The following MAP4K3 variants were observed in gnomAD, a reference collection of about 807,000 sequenced individuals.
MAP4K3 encodes MAPK/ERK kinase kinase kinase 3.
MAP4K3 carries 94 observed loss-of-function variants against 143.5 expected under a neutral mutation model. The ratio of observed to expected loss-of-function variants is 0.65; its 90% CI spans 0.55 to 0.78. The LOEUF is 0.78. Ranked by LOEUF, MAP4K3 falls within the 30% of genes least tolerant of loss-of-function variation. The pLI is 0.00. For synonymous variants in MAP4K3, 416 were observed against 347.2 expected, an observed-to-expected ratio of 1.20 and a Z score of -2.20; for missense variants, 1,077 against 1,068.1, an observed-to-expected ratio of 1.01 and a Z score of -0.12.
At chr2:39,373,835 G>A (rs1666147295) in intron 2 of MAP4K3, among the ~76,000 whole-genome samples, 1 of 152,136 alleles carries the variant, frequency 6.6e-6, no homozygotes, top group South Asian at 2.1e-4. Flanking sequence ...TTTGGAGATG[G>A]TTAATTGGTA....
At position 39,331,994 on chromosome 2, in the gene MAP4K3, T is replaced by TA. The variant is rs755078375; in HGVS notation, c.458-6dup. ...GTGCAGATACTCCAAAATCAGCTAT[T>TA]AAAAAAAATGAGAAACATTTAGGAA... On this transcript the variant is annotated splice_region_variant and splice_polypyrimidine_tract_variant and intron_variant, in intron 7 of 33. Transcript: ENST00000263881. 7.8e-5 allele frequency: 117 copies of TA among 1,498,498 alleles called. No homozygotes were observed. The highest frequency in any genetic ancestry group is 2.2e-4 in the South Asian group (16 of 71,790). 92.8% of individuals were successfully genotyped at this position (1,498,498 alleles called of 1,614,324 possible).
intron 18 of MAP4K3, among the ~76,000 whole-genome samples, chr2:39,290,744 C>T (rs888435841): frequency 3.9e-5 from 6 of 152,132 alleles, no homozygotes; most frequent in Admixed American, 3.3e-4. Flanking sequence ...GTAAGTATTA[C>T]TACTCTCTTA....
chr2:39,298,988 T>A (rs866056499), intron 16 of MAP4K3, among the ~76,000 whole-genome samples: 3 of 151,260 alleles, frequency 2.0e-5, no homozygotes, highest in Non-Finnish European at 2.9e-5. Context: ...AAAAAGGAAT[T>A]TTAACTTGTT....
At chr2:39,286,543 T>A (rs1681785890) in intron 21 of MAP4K3, among the ~76,000 whole-genome samples, 1 of 152,232 alleles carries the variant, frequency 6.6e-6, no homozygotes, top group South Asian at 2.1e-4. Flanking sequence ...TAATAATAGT[T>A]ATTTTGTGAA....
At chr2:39,399,686 G>A (rs1201310880) in intron 1 of MAP4K3, among the ~76,000 whole-genome samples, 1 of 152,184 alleles carries the variant, frequency 6.6e-6, no homozygotes, top group Non-Finnish European at 1.5e-5. Flanking sequence ...GACAAGCCTG[G>A]CAATGACTTT....
At chr2:39,347,905 G>C (rs1245505607) in intron 3 of MAP4K3, among the ~76,000 whole-genome samples, 2 of 151,790 alleles carry the variant, frequency 1.3e-5, no homozygotes, top group Non-Finnish European at 2.9e-5. Flanking sequence ...AACTTTAATA[G>C]TCTGTATTTT....
In MAP4K3 at chr2:39,250,208, T is replaced by C. The variant is rs1393562616; in HGVS notation, c.*410A>G. 1.3e-5 allele frequency: 2 copies of C among 154,446 alleles called. No homozygotes were observed. The highest frequency in any genetic ancestry group is 2.1e-4 in the South Asian group (1 of 4,860). The allele number at this position is 154,446 out of a possible 1,614,324, so 9.6% of individuals were successfully genotyped here. ...ATTGCCAGCATCCCATTTTGTAATATAGCCACACCCAAGAATATACTAAAG... is the reference window on the plus strand; with the variant it reads ...ATTGCCAGCATCCCATTTTGTAATACAGCCACACCCAAGAATATACTAAAG... On this transcript the variant is annotated 3_prime_UTR_variant, in exon 34 of 34. Coordinates refer to ENST00000263881, the MANE Select transcript of MAP4K3 (RefSeq NM_003618.4).
chr2:39,340,265 G>A (rs1665102452), intron 4 of MAP4K3, among the ~76,000 whole-genome samples: 1 of 152,178 alleles, frequency 6.6e-6, no homozygotes, highest in Non-Finnish European at 1.5e-5. Flanking sequence ...ACATGACCGT[G>A]CAAGTATACA....
At chr2:39,357,068 T>C (rs1250248952) in intron 2 of MAP4K3, among the ~76,000 whole-genome samples, 1 of 152,222 alleles carries the variant, frequency 6.6e-6, no homozygotes, top group African/African-American at 2.4e-5. Context: ...AGAATGGGAC[T>C]GTATTTTAGC....
Position 39,308,005 on chromosome 2 carries a change from G to T in MAP4K3, c.1057C>A (p.Pro353Thr). The T allele has an allele frequency of 6.2e-7, 1 of 1,600,246 alleles. No homozygotes were observed. The highest frequency in any genetic ancestry group is 8.5e-7 in the Non-Finnish European group (1 of 1,173,570). The part of the protein sequence containing the change: ...RKETEPHHEL[P>T]DSDGFLDSSE... ...CTGTCCAAAAAACCATCACTGTCGG[G>T]CTGTTTAGCAGAGACCAAGAAACCC... Residue 353 changes from proline (P) to threonine (T), a missense_variant and splice_region_variant, in exon 15 of 34, where the codon CCC (proline) becomes ACC (threonine). Pro to Thr is a conservative substitution (Grantham distance 38, BLOSUM62 -1). Coordinates refer to ENST00000263881, the MANE Select transcript of MAP4K3 (RefSeq NM_003618.4).
At chr2:39,384,244 C>T (rs1463970965) in intron 1 of MAP4K3, among the ~76,000 whole-genome samples, 3 of 152,106 alleles carry the variant, frequency 2.0e-5, no homozygotes, top group East Asian at 1.9e-4. Flanking sequence ...ACAGCACTGT[C>T]GGCCGGGCAT....
chr2:39,326,937 C>G (rs761313664), intron 8 of MAP4K3, among the ~76,000 whole-genome samples: 4 of 152,142 alleles, frequency 2.6e-5, no homozygotes, highest in Non-Finnish European at 5.9e-5. Context: ...CAATACAATA[C>G]TGTGAGTCAA....
chr2:39,285,349 T>C (rs996058816), intron 21 of MAP4K3, among the ~76,000 whole-genome samples: 3 of 152,120 alleles, frequency 2.0e-5, no homozygotes, highest in African/African-American at 7.2e-5. Context: ...AATGCATACA[T>C]AAAAAATGTT....
rs371969007 is a variant in MAP4K3, at chr2:39,299,586, A to G, written c.1178+157T>C. On this transcript the variant is annotated intron_variant, in intron 16 of 33. Coordinates refer to ENST00000263881, the MANE Select transcript of MAP4K3 (RefSeq NM_003618.4). ...TCCCATTAGGACAACTATTAACTAA[A>G]TAATGAGCAAGGAAGCAATGGAAAA... Among the ~76,000 whole-genome samples the G allele has an allele frequency of 1.5e-4, 23 of 152,318 alleles. No homozygotes were observed. In the East Asian group the frequency reaches 3.1e-3, roughly 20 times the overall value.
chr2:39,289,035 G>C lies in MAP4K3; in HGVS notation c.1315-755C>G, dbSNP rs150805111. Among the ~76,000 whole-genome samples the C allele has an allele frequency of 3.7e-3, 567 of 152,292 alleles. 4 individuals carry two copies. The highest frequency in any genetic ancestry group is 0.013 in the African/African-American group (536 of 41,556). On this transcript the variant is annotated intron_variant, in intron 19 of 33. Transcript: ENST00000263881. ...CCACTGCAGTCCAGCCTGGGCGAAA[G>C]AGCGAGACTCCATCTCAAAACAAAA...
chr2:39,272,645 TTAAAAG>T (rs1172773576), intron 24 of MAP4K3, 103 bp from the exon 25 acceptor site: 2 of 821,244 alleles, frequency 2.4e-6, no homozygotes, highest in East Asian at 5.0e-5. Context: ...GGTCAGTTCT[TTAAAAG>T]TAAATTATTT....
intron 2 of MAP4K3, among the ~76,000 whole-genome samples, chr2:39,359,120 A>G (rs748606672): frequency 1.7e-4 from 26 of 152,304 alleles, no homozygotes; most frequent in Middle Eastern, 3.4e-3. Context: ...CAAGTGAGTT[A>G]CTCTCTAGAT....
At chr2:39,298,836 G>T (rs1379635180) in intron 16 of MAP4K3, among the ~76,000 whole-genome samples, 4 of 151,884 alleles carry the variant, frequency 2.6e-5, no homozygotes, top group South Asian at 2.1e-4. Flanking sequence ...CATGGTGGCA[G>T]GCCCTTGTAG....
chr2:39,333,607 A>C lies in MAP4K3; in HGVS notation c.415-33T>G, dbSNP rs376452079. The C allele has an allele frequency of 3.9e-6, 5 of 1,295,678 alleles. No homozygotes were observed. The African/African-American group carries it at 7.3e-5, about 19-fold the overall frequency. The allele number at this position is 1,295,678 out of a possible 1,614,324, so 80.3% of individuals were successfully genotyped here. A position where few individuals can be genotyped will look rare whatever the true frequency, so the allele number is the denominator to read the frequency against. On this transcript the variant is annotated intron_variant, in intron 6 of 33. Transcript: ENST00000263881. ...GTAACAATATTTTAGTTAGAGTAGG[A>C]AATAGATATTTTATCAGACAGCACA...
Sources: gnomAD v4.1 joint callset for allele counts (sites outside exome capture counted in the v4.1 genomes callset) on GRCh38, gnomAD v4.1.1 for gene constraint, MANE v1.5 for transcripts, NCBI Gene and HGNC (gene_info 2026-07-23, HGNC 2026-07-21) for gene names.